The following CDH18 variants were observed in gnomAD, a reference collection of about 807,000 sequenced individuals.
CDH18 encodes cadherin-18.
CDH18 carries 31 observed loss-of-function variants against 67.9 expected under a neutral mutation model. The ratio of observed to expected loss-of-function variants is 0.46; its 90% CI spans 0.34 to 0.62. The LOEUF (loss-of-function observed/expected upper bound fraction) is 0.62, where lower values mean the gene tolerates loss of function less well. Ranked by LOEUF, CDH18 falls within the 20% of genes least tolerant of loss-of-function variation. CDH18 has a pLI of 0.01. For synonymous variants in CDH18, 362 were observed against 347.2 expected (o/e 1.04, Z -0.48); for missense variants, 890 against 975.5 (o/e 0.91, Z 1.17).
At chr5:19,953,510 G>A (rs1001218833) in intron 2 of CDH18, among the ~76,000 whole-genome samples, 23 of 151,670 alleles carry the variant, frequency 1.5e-4, no homozygotes, top group African/African-American at 5.3e-4. Flanking sequence ...ATTATTGGTA[G>A]GCAGGAAAGT....
chr5:19,806,460 G>A (rs1156359031), intron 3 of CDH18, among the ~76,000 whole-genome samples: 1 of 152,124 alleles, frequency 6.6e-6, no homozygotes, highest in Non-Finnish European at 1.5e-5. Context: ...TAGGGTTTTA[G>A]CATTTGTCTT....
chr5:20,318,767 A>T (rs188936278), intron 1 of CDH18, among the ~76,000 whole-genome samples: 105 of 152,078 alleles, frequency 6.9e-4, no homozygotes, highest in Non-Finnish European at 7.4e-4. Flanking sequence ...TCTTTTTTTA[A>T]AAAATTATAC....
At chr5:20,147,837 T>C (rs1356381312) in intron 2 of CDH18, among the ~76,000 whole-genome samples, 2 of 152,104 alleles carry the variant, frequency 1.3e-5, no homozygotes, top group African/African-American at 4.8e-5. Flanking sequence ...TAAAAATAAA[T>C]AGGAGGAAAA....
intron 1 of CDH18, among the ~76,000 whole-genome samples, chr5:20,461,483 A>T (rs1006691120): frequency 6.6e-6 from 1 of 152,178 alleles, no homozygotes; most frequent in Non-Finnish European, 1.5e-5. Flanking sequence ...GCAAATAACA[A>T]GCACACTTGG....
chr5:20,465,471 T>G (rs575311236), intron 1 of CDH18, among the ~76,000 whole-genome samples: 1 of 147,964 alleles, frequency 6.8e-6, no homozygotes, highest in South Asian at 2.1e-4. Context: ...ACTTCTGATC[T>G]TATAAAAAGT....
chr5:20,272,367 CT>C (rs1391347314), intron 1 of CDH18, among the ~76,000 whole-genome samples: 1 of 151,802 alleles, frequency 6.6e-6, no homozygotes, highest in Non-Finnish European at 1.5e-5. Context: ...GCATGATTAA[CT>C]TTTTTTGTTT....
rs115259292 is a variant in CDH18, at chr5:19,887,842, G to A, written c.-256-48600C>T. On this transcript the variant is annotated intron_variant, in intron 2 of 12. Coordinates refer to ENST00000382275, the MANE Select transcript of CDH18 (RefSeq NM_004934.5). ...CTGCCTCAGCCACCCAAAGTGTTGA[G>A]ATTTACAGATGTGAACCACCACACC... 3.6e-3 allele frequency among the ~76,000 whole-genome samples: 547 copies of A among 151,978 alleles called. 1 individual carries two copies. Among genetic ancestry groups the A allele is most frequent in the African/African-American group, 0.012 (511 of 41,448 alleles).
At chr5:19,663,406 T>G (rs1027598903) in intron 5 of CDH18, among the ~76,000 whole-genome samples, 1 of 152,018 alleles carries the variant, frequency 6.6e-6, no homozygotes, top group Non-Finnish European at 1.5e-5. Flanking sequence ...CAAATCTTCT[T>G]AAATATATGG....
Position 19,918,694 on chromosome 5 carries a change from G to C in CDH18, c.-257+62366C>G, listed in dbSNP as rs79944213. 2.3e-3 allele frequency among the ~76,000 whole-genome samples: 356 copies of C among 151,994 alleles called. 8 individuals carry two copies. In the East Asian group the frequency reaches 0.059, roughly 25 times the overall value. On this transcript the variant is annotated intron_variant, in intron 2 of 12. Coordinates refer to ENST00000382275, the MANE Select transcript of CDH18 (RefSeq NM_004934.5). ...AGCTACTTTATTAAAATTCCATTTT[G>C]AAAAAATGGAAAGAGATCTCAAAAG...
intron 2 of CDH18, among the ~76,000 whole-genome samples, chr5:20,156,427 A>C (rs1295575450): frequency 6.6e-6 from 1 of 152,150 alleles, no homozygotes; most frequent in Non-Finnish European, 1.5e-5. Flanking sequence ...TGTTCTTTGC[A>C]ACAACATGGA....
chr5:19,488,738 A>C (rs1027087321), intron 11 of CDH18, among the ~76,000 whole-genome samples: 26 of 152,310 alleles, frequency 1.7e-4, no homozygotes, highest in African/African-American at 6.0e-4. Context: ...ATTTTATTAT[A>C]TTGACATGGA....
intron 9 of CDH18, among the ~76,000 whole-genome samples, chr5:19,525,062 C>A (rs192701411): frequency 1.2e-3 from 188 of 152,230 alleles, no homozygotes; most frequent in African/African-American, 4.4e-3. Flanking sequence ...TGCTCTTTTT[C>A]TGAAAAGGCA....
At chr5:20,030,083 G>A (rs1739256893) in intron 2 of CDH18, among the ~76,000 whole-genome samples, 1 of 152,114 alleles carries the variant, frequency 6.6e-6, no homozygotes, top group Admixed American at 6.6e-5. Context: ...CCAAAGGCTT[G>A]TCATTAAAGA....
At chr5:19,523,132 A>ATAC (rs1178772280) in intron 9 of CDH18, among the ~76,000 whole-genome samples, 3 of 152,106 alleles carry the variant, frequency 2.0e-5, no homozygotes, top group Admixed American at 2.0e-4. Flanking sequence ...CATAATAATA[A>ATAC]TAGTAGTAGT....
At chr5:19,751,259 G>A (rs942885483) in intron 3 of CDH18, among the ~76,000 whole-genome samples, 4 of 151,944 alleles carry the variant, frequency 2.6e-5, no homozygotes, top group Admixed American at 6.6e-5. Context: ...TATTCCTTGG[G>A]GAAGAATAAC....
At chr5:19,527,291 TAA>T (rs1180436462) in intron 9 of CDH18, among the ~76,000 whole-genome samples, 1 of 151,406 alleles carries the variant, frequency 6.6e-6, no homozygotes. Flanking sequence ...AAGTTTTAGT[TAA>T]AAAAAAGTGA....
chr5:20,298,685 C>A lies in CDH18; in HGVS notation c.-579-43180G>T, dbSNP rs62352783. On this transcript the variant is annotated intron_variant, in intron 1 of 14. Coordinates refer to the CDH18 transcript ENST00000507958. Reference sequence around the variant, plus strand: ...ATATTACACTATACCAGGTACTGTTCCAAAGATAAAGCAGTAATTAAAACA... The same window carrying A: ...ATATTACACTATACCAGGTACTGTTACAAAGATAAAGCAGTAATTAAAACA... 7.3e-3 allele frequency among the ~76,000 whole-genome samples: 1,117 copies of A among 152,010 alleles called. 11 individuals are homozygous for A. The highest frequency in any genetic ancestry group is 0.014 in the South Asian group (68 of 4,816).
At chr5:20,012,484 TGA>T (rs572139754) in intron 2 of CDH18, among the ~76,000 whole-genome samples, 100 of 151,954 alleles carry the variant, frequency 6.6e-4, no homozygotes, top group African/African-American at 2.3e-3. Flanking sequence ...TTGTTGAAGC[TGA>T]GAGCCAAATA....
intron 2 of CDH18, among the ~76,000 whole-genome samples, chr5:19,967,684 C>T (rs911236044): frequency 6.6e-6 from 1 of 152,014 alleles, no homozygotes; most frequent in Admixed American, 6.6e-5. Context: ...AGGTATCCTA[C>T]GTATCTCAAA....
Sources: allele counts gnomAD v4.1 joint callset (sites outside exome capture counted in the v4.1 genomes callset), GRCh38; gene constraint gnomAD v4.1.1; transcripts MANE v1.5; gene names NCBI Gene and HGNC (gene_info 2026-07-23, HGNC 2026-07-21).